Variants in SCML4 observed in about 807,000 individuals in gnomAD.
SCML4 encodes the protein Scm polycomb group protein like 4, also known as sex comb on midleg-like protein 4.
SCML4 carries 34 observed loss-of-function variants against 41.1 expected under a neutral mutation model. The observed-to-expected ratio is 0.83, with a 90% confidence interval of 0.63 to 1.10. The LOEUF (loss-of-function observed/expected upper bound fraction) is 1.10. Ranked by LOEUF, SCML4 falls within the 50% of genes least tolerant of loss-of-function variation. The pLI is 0.00. For synonymous variants in SCML4, 214 were observed against 220.9 expected, an observed-to-expected ratio of 0.97 and a Z score of 0.28; for missense variants, 522 against 534.1, an observed-to-expected ratio of 0.98 and a Z score of 0.22.
At chr6:107,717,143 C>CAAAAAA (rs546258538) in intron 6 of SCML4, among the ~76,000 whole-genome samples, 8 of 63,536 alleles carry the variant, frequency 1.3e-4, no homozygotes, top group African/African-American at 2.4e-4. Flanking sequence ...ACTAAAAATA[C>CAAAAAA]AAAAAAAAAA....
intron 2 of SCML4, among the ~76,000 whole-genome samples, chr6:107,756,825 G>T (rs72933136): frequency 0.064 from 9,692 of 152,228 alleles, 729 homozygotes; most frequent in African/African-American, 0.19. Flanking sequence ...CTGGGTAAAT[G>T]GAGAGGAGGA....
intron 7 of SCML4, 25 bp downstream of exon 7, chr6:107,707,841 A>G (rs914879512): frequency 3.2e-6 from 5 of 1,551,216 alleles, no homozygotes; most frequent in Non-Finnish European, 4.4e-6. Context: ...AATCCCCCCC[A>G]AGGTCAAACC....
In SCML4 at chr6:107,707,868, G is replaced by A; in HGVS notation, c.1117C>T (p.His373Tyr). The A allele has an allele frequency of 1.3e-6, 2 of 1,551,670 alleles. No individual in the cohort carries two copies. The highest frequency in any genetic ancestry group is 1.7e-6 in the Non-Finnish European group (2 of 1,147,006). ...LGPHVELFRK[H>Y]EIDGNALLLL... ...GGTCAAACCCACCACTCGCATACGTGCTTTCTGAAGAGCTCCACGTGAGGC... is the reference window on the plus strand; with the variant it reads ...GGTCAAACCCACCACTCGCATACGTACTTTCTGAAGAGCTCCACGTGAGGC... The change falls in exon 7 of 8, where the codon CAC becomes TAC. Residue 373 changes from histidine to tyrosine, a missense_variant and splice_region_variant. By Grantham distance (83) the His-to-Tyr change is moderately conservative. Transcript: ENST00000369020.
chr6:107,782,452 C>T (rs1206778347), intron 1 of SCML4, among the ~76,000 whole-genome samples: 2 of 152,230 alleles, frequency 1.3e-5, no homozygotes, highest in Admixed American at 6.5e-5. Flanking sequence ...GATGTCCATC[C>T]CTTCTTTTTA....
At chr6:107,840,069 C>G in the SCML4 span, among the ~76,000 whole-genome samples, 1 of 152,108 alleles carries the variant, frequency 6.6e-6, no homozygotes, top group Non-Finnish European at 1.5e-5. Flanking sequence ...AATCATGGCT[C>G]TGTAGTTGGA....
chr6:107,755,593 G>T (rs376614547), intron 2 of SCML4: 20 of 1,346,282 alleles, frequency 1.5e-5, no homozygotes, highest in Non-Finnish European at 2.0e-5. Context: ...GAATGGGGGG[G>T]TTCTCTGCCT....
intron 5 of SCML4, among the ~76,000 whole-genome samples, chr6:107,734,292 T>C (rs1442382224): frequency 1.3e-5 from 2 of 152,208 alleles, no homozygotes; most frequent in African/African-American, 4.8e-5. Context: ...TTCACTTCTT[T>C]TGTTTGTTTG....
chr6:107,813,428 C>G (rs1305703131), intron 1 of SCML4, among the ~76,000 whole-genome samples: 36 of 76,598 alleles, frequency 4.7e-4, no homozygotes, highest in Non-Finnish European at 3.6e-4. Flanking sequence ...ATATATAAAA[C>G]TGTAAAATTA....
Position 107,703,109 on chromosome 6 carries a change from T to TAAAAAAAAAAAG in SCML4, c.*2090_*2091insCTTTTTTTTTTT, listed in dbSNP as rs1489938410. On this transcript the variant is annotated 3_prime_UTR_variant, in exon 8 of 8. Coordinates refer to ENST00000369020, the MANE Select transcript of SCML4 (RefSeq NM_198081.5). ...CTATATGATCTAAAAGGGGGAGGCA[T>TAAAAAAAAAAAG]GAATAATCCACCCCTTGTTTAGCAT... Among the ~76,000 whole-genome samples, 1 of 152,186 alleles carries TAAAAAAAAAAAG rather than the reference T, an allele frequency of 6.6e-6. No homozygotes were observed. The highest frequency in any genetic ancestry group is 1.5e-5 in the Non-Finnish European group (1 of 68,032).
rs1027038325 is a variant in SCML4, at chr6:107,745,120, G to C, written c.511C>G (p.Gln171Glu). Residue 171 changes from glutamine (Q) to glutamate (E), a missense_variant, in exon 5 of 8, where the codon CAG becomes GAG. Physicochemically the swap from Gln to Glu is conservative, Grantham distance 29. Transcript: ENST00000369020. Reference protein sequence around the residue: ...VSVSASFDGKQHLRSLPVVNS... With the variant: ...VSVSASFDGKEHLRSLPVVNS... ...ACCACAGGCAGGCTCCGCAGGTGCT[G>C]TTTGCCATCAAAGGAAGCCGAGACT... 1 of 1,592,720 alleles carries C rather than the reference G, an allele frequency of 6.3e-7. No individual in the cohort carries two copies. Among genetic ancestry groups the C allele is most frequent in the East Asian group, 2.3e-5 (1 of 43,768 alleles).
At chr6:107,840,055 C>G in the SCML4 span, among the ~76,000 whole-genome samples, 1 of 152,204 alleles carries the variant, frequency 6.6e-6, no homozygotes, top group South Asian at 2.1e-4. Context: ...TTATGAAAAT[C>G]CTTAATCATG....
intron 1 of SCML4, among the ~76,000 whole-genome samples, chr6:107,799,693 G>A (rs1344443086): frequency 6.6e-6 from 1 of 151,762 alleles, no homozygotes; most frequent in Non-Finnish European, 1.5e-5. Context: ...CTTTTTGCCT[G>A]TAAATCATTG....
intron 2 of SCML4, among the ~76,000 whole-genome samples, chr6:107,768,222 C>G (rs1421656030): frequency 6.6e-6 from 1 of 152,142 alleles, no homozygotes; most frequent in Non-Finnish European, 1.5e-5. Context: ...CCACTGCACT[C>G]CAGCCTAGGT....
Position 107,813,370 on chromosome 6 carries a change from TTATATATATATATATATA to T in SCML4, c.-60+10738_-60+10755del, listed in dbSNP as rs543060112. ...AGAGTGAGACGCCATCTCAAAAAAA[TTATATATATATATATATA>T]TATATATATATATATATATATATAT... On this transcript the variant is annotated intron_variant, in intron 1 of 7. Coordinates refer to ENST00000369020, the MANE Select transcript of SCML4 (RefSeq NM_198081.5). Among the ~76,000 whole-genome samples the T allele has an allele frequency of 2.9e-3, 123 of 42,446 alleles. 6 individuals are homozygous for T. The highest frequency in any genetic ancestry group is 3.3e-3 in the South Asian group (4 of 1,218). 27.8% of individuals were successfully genotyped at this position (42,446 alleles called of 152,430 possible). A position where few individuals can be genotyped will look rare whatever the true frequency, so the allele number is the denominator to read the frequency against.
intron 1 of SCML4, among the ~76,000 whole-genome samples, chr6:107,806,375 C>T (rs904680009): frequency 5.9e-5 from 9 of 152,230 alleles, no homozygotes; most frequent in African/African-American, 2.2e-4. Context: ...CTCTGCACAT[C>T]GGGGTGAATT....
In SCML4 at chr6:107,813,425, A is replaced by ATAT. The variant is rs1562284767; in HGVS notation, c.-60+10700_-60+10701insATA. Among the ~76,000 whole-genome samples, 40 of 9,832 alleles carry ATAT rather than the reference A, an allele frequency of 4.1e-3. 1 individual carries two copies. Among genetic ancestry groups the ATAT allele is most frequent in the Non-Finnish European group, 5.7e-3 (26 of 4,536 alleles). The allele number at this position is 9,832 out of a possible 152,430, so 6.5% of individuals were successfully genotyped here. ...ATATATATATATATATATATATATA[A>ATAT]AACTGTAAAATTAAATACATATTAA... On this transcript the variant is annotated intron_variant, in intron 1 of 7. Coordinates refer to ENST00000369020, the MANE Select transcript of SCML4 (RefSeq NM_198081.5).
chr6:107,708,422 A>G (rs1773892986), intron 6 of SCML4, among the ~76,000 whole-genome samples: 1 of 152,098 alleles, frequency 6.6e-6, no homozygotes, highest in East Asian at 1.9e-4. Flanking sequence ...GAGTGCCCAA[A>G]TGAGCCTCAT....
intron 2 of SCML4, among the ~76,000 whole-genome samples, chr6:107,759,338 T>TACAC (rs1779383856): frequency 6.7e-6 from 1 of 150,006 alleles, no homozygotes; most frequent in Non-Finnish European, 1.5e-5. Flanking sequence ...TCAAAATACA[T>TACAC]ACATACATAC....
chr6:107,829,189 G>A (rs750165354), upstream of SCML4, among the ~76,000 whole-genome samples: 6 of 152,060 alleles, frequency 3.9e-5, no homozygotes, highest in South Asian at 2.1e-4. Context: ...AGACCAGCCC[G>A]GGCAACATGG....
Sources: allele counts gnomAD v4.1 joint callset (sites outside exome capture counted in the v4.1 genomes callset), GRCh38; gene constraint gnomAD v4.1.1; transcripts MANE v1.5; gene names NCBI Gene and HGNC (gene_info 2026-07-23, HGNC 2026-07-21).